The following GRM7 variants were observed in gnomAD, a reference collection of about 807,000 sequenced individuals.
GRM7 encodes glutamate metabotropic receptor 7, also known as metabotropic glutamate receptor 7.
A neutral mutation model predicts 84.5 loss-of-function variants in GRM7; 35 were observed. That is an observed-to-expected ratio of 0.41 (90% CI 0.32 to 0.55). The LOEUF is 0.55. GRM7 is among the 20% of genes least tolerant of loss of function. The pLI is 0.19. For missense variants in GRM7, 1,003 were observed against 1,194.6 expected, an observed-to-expected ratio of 0.84 and a Z score of 2.36; for synonymous variants, 487 against 455.1, an observed-to-expected ratio of 1.07 and a Z score of -0.89.
In GRM7 at chr3:7,319,589, A is replaced by G. The variant is rs954961206; in HGVS notation, c.1033+12937A>G. On this transcript the variant is annotated intron_variant, in intron 4 of 9. Coordinates refer to ENST00000357716, the MANE Select transcript of GRM7 (RefSeq NM_000844.4). Reference sequence around the variant, plus strand: ...AGAGAATTTATCTTAGAATGCCTAGAAACCAGAATGTCTACAGTATGGCAA... The same window carrying G: ...AGAGAATTTATCTTAGAATGCCTAGGAACCAGAATGTCTACAGTATGGCAA... Among the ~76,000 whole-genome samples, 4 of 152,048 alleles carry G rather than the reference A, an allele frequency of 2.6e-5. No homozygotes were observed. In the East Asian group the frequency reaches 7.7e-4, roughly 29 times the overall value.
intron 4 of GRM7, among the ~76,000 whole-genome samples, chr3:7,413,223 C>T (rs75209350): frequency 7.2e-5 from 11 of 152,224 alleles, no homozygotes; most frequent in Non-Finnish European, 1.5e-4. Flanking sequence ...ATCAGAAGCT[C>T]CATAGCCATT....
At chr3:7,431,308 C>A (rs1445177892) in intron 5 of GRM7, among the ~76,000 whole-genome samples, 1 of 152,092 alleles carries the variant, frequency 6.6e-6, no homozygotes, top group Non-Finnish European at 1.5e-5. Context: ...AGAATCCAGA[C>A]CCCCAACCTA....
intron 1 of GRM7, among the ~76,000 whole-genome samples, chr3:7,073,529 G>A (rs1697956427): frequency 6.6e-6 from 1 of 152,054 alleles, no homozygotes; most frequent in Non-Finnish European, 1.5e-5. Context: ...CCTGATAGTT[G>A]ATTTTCAGAT....
chr3:6,961,702 G>A (rs693200), intron 1 of GRM7, among the ~76,000 whole-genome samples: 49,948 of 151,830 alleles, frequency 0.33, 9,272 homozygotes, highest in African/African-American at 0.52. Context: ...AAATCTACTG[G>A]CCCAGCTGCA....
At chr3:7,436,110 G>A (rs143484291) in intron 5 of GRM7, among the ~76,000 whole-genome samples, 4,456 of 152,136 alleles carry the variant, frequency 0.029, 222 homozygotes, top group African/African-American at 0.1. Context: ...GCCTCCCAAA[G>A]TGCCGGGATT....
intron 8 of GRM7, among the ~76,000 whole-genome samples, chr3:7,627,226 C>T (rs971460756): frequency 1.3e-5 from 2 of 152,058 alleles, no homozygotes; most frequent in African/African-American, 4.8e-5. Context: ...CAAGAAGAAA[C>T]TTTGTGATTT....
intron 1 of GRM7, among the ~76,000 whole-genome samples, chr3:6,992,492 T>C (rs1192452643): frequency 6.6e-6 from 1 of 152,092 alleles, no homozygotes; most frequent in Non-Finnish European, 1.5e-5. Context: ...GGGAACAGAA[T>C]CCAATTTAGA....
chr3:7,537,846 T>C (rs1256104165), intron 7 of GRM7, among the ~76,000 whole-genome samples: 1 of 152,212 alleles, frequency 6.6e-6, no homozygotes, highest in Non-Finnish European at 1.5e-5. Context: ...ATAGGCCCAC[T>C]AAATTGTAAG....
intron 7 of GRM7, among the ~76,000 whole-genome samples, chr3:7,569,241 G>A (rs1246573560): frequency 6.6e-6 from 1 of 152,166 alleles, no homozygotes; most frequent in Non-Finnish European, 1.5e-5. Context: ...GGGACTTGGA[G>A]AACCTTTATG....
Position 7,708,253 on chromosome 3 carries a change from T to C in GRM7, c.2698+27958T>C, listed in dbSNP as rs934884824. ...ACACGTGCTTTCATGTACTTTGTTA[T>C]ATAGAGTAAAGCCTAGTTTCCTTAA... On this transcript the variant is annotated intron_variant, in intron 9 of 9. Transcript: ENST00000357716. Among the ~76,000 whole-genome samples, 23 of 151,994 alleles carry C rather than the reference T, an allele frequency of 1.5e-4. 1 individual carries two copies. The highest frequency in any genetic ancestry group is 1.5e-3 in the Admixed American group (23 of 15,262).
At chr3:7,436,179 T>G (rs1014613492) in intron 5 of GRM7, among the ~76,000 whole-genome samples, 5 of 152,100 alleles carry the variant, frequency 3.3e-5, no homozygotes, top group African/African-American at 1.2e-4. Context: ...AAAAATAACC[T>G]TTGTTTTCTT....
rs73810846 is a variant in GRM7, at chr3:7,649,797, A to C, written c.2452-30252A>C. On this transcript the variant is annotated intron_variant, in intron 8 of 9. Coordinates refer to ENST00000357716, the MANE Select transcript of GRM7 (RefSeq NM_000844.4). The stretch of plus-strand genomic sequence containing the variant: ...CATGGCCTATATAATTTTCCACCCA[A>C]ATTTATTTCTACTGCTGGCAAAAGA... Among the ~76,000 whole-genome samples the C allele has an allele frequency of 1.5e-3, 224 of 149,630 alleles. 2 individuals carry two copies. Among genetic ancestry groups the C allele is most frequent in the African/African-American group, 5.2e-3 (208 of 40,252 alleles).
chr3:7,674,164 C>G (rs1395765608), intron 8 of GRM7, among the ~76,000 whole-genome samples: 2 of 151,562 alleles, frequency 1.3e-5, no homozygotes, highest in African/African-American at 2.4e-5. Flanking sequence ...GCAAATAATG[C>G]ATCATGAATT....
intron 9 of GRM7, among the ~76,000 whole-genome samples, chr3:7,733,495 A>G (rs1309773464): frequency 6.6e-6 from 1 of 152,278 alleles, no homozygotes; most frequent in South Asian, 2.1e-4. Flanking sequence ...TTGTCTGCAC[A>G]AAACATCTGT....
At chr3:7,708,550 A>G (rs1478364686) in intron 9 of GRM7, among the ~76,000 whole-genome samples, 1 of 152,162 alleles carries the variant, frequency 6.6e-6, no homozygotes, top group Non-Finnish European at 1.5e-5. Flanking sequence ...AACATAAAGT[A>G]TAAGGTGCAT....
chr3:7,693,803 G>T (rs759181814), intron 9 of GRM7: 2 of 615,264 alleles, frequency 3.3e-6, no homozygotes, highest in Non-Finnish European at 5.8e-6. Flanking sequence ...TTTAGTCGGG[G>T]GTAGTTCTCA....
At chr3:7,227,731 C>T (rs542667490) in intron 2 of GRM7, among the ~76,000 whole-genome samples, 1 of 152,172 alleles carries the variant, frequency 6.6e-6, no homozygotes, top group South Asian at 2.1e-4. Flanking sequence ...GCATTATCTC[C>T]ACATGTTGGT....
rs574374654 is a variant in GRM7 at position 7,674,509 on chromosome 3, T to C, written c.2452-5540T>C. Among the ~76,000 whole-genome samples the C allele has an allele frequency of 9.1e-4, 139 of 152,298 alleles. 2 individuals are homozygous for C. In the South Asian group the frequency reaches 0.026, roughly 29 times the overall value. The stretch of plus-strand genomic sequence containing the variant: ...GCCCGGATGAATATTTATTTTTTAA[T>C]TGACAAATACAAATTGTATAATATG... On this transcript the variant is annotated intron_variant, in intron 8 of 9. Coordinates refer to ENST00000357716, the MANE Select transcript of GRM7 (RefSeq NM_000844.4).
At chr3:7,588,066 C>A (rs1330521648) in intron 8 of GRM7, among the ~76,000 whole-genome samples, 1 of 152,124 alleles carries the variant, frequency 6.6e-6, no homozygotes, top group Non-Finnish European at 1.5e-5. Flanking sequence ...AATGAGACTG[C>A]AACACCATAA....
Sources: gnomAD v4.1 joint callset for allele counts (sites outside exome capture counted in the v4.1 genomes callset) on GRCh38, gnomAD v4.1.1 for gene constraint, MANE v1.5 for transcripts, NCBI Gene and HGNC (gene_info 2026-07-23, HGNC 2026-07-21) for gene names.